The following SIPA1L3 variants were observed in gnomAD, a reference collection of about 807,000 sequenced individuals.
The protein encoded by SIPA1L3 is signal-induced proliferation-associated 1-like protein 3.
In SIPA1L3, 59 loss-of-function variants were observed where a neutral mutation model predicts 150.1. That is an observed-to-expected ratio of 0.39 (90% CI 0.32 to 0.49). SIPA1L3 has a LOEUF of 0.49. Among genes scored for constraint, SIPA1L3 ranks in the 20% least tolerant of loss-of-function variants. The pLI, the probability that SIPA1L3 is intolerant of heterozygous loss-of-function variation, is 0.86. For synonymous variants in SIPA1L3, 1,070 were observed against 1,077.6 expected (o/e 0.99, Z 0.14); for missense variants, 2,211 against 2,489.5 (o/e 0.89, Z 2.38).
chr19:37,984,094 G>A (rs1967277279), intron 1 of SIPA1L3, among the ~76,000 whole-genome samples: 1 of 152,116 alleles, frequency 6.6e-6, no homozygotes, highest in South Asian at 2.1e-4. Context: ...AGAACAATGA[G>A]GCACTTTTTG....
rs1428645190 is a variant in SIPA1L3 at position 38,101,304 on chromosome 19, G to A, written c.2029+78G>A. 4.5e-6 allele frequency: 5 copies of A among 1,117,380 alleles called. No homozygotes were observed. The African/African-American group carries it at 4.8e-5, about 11-fold the overall frequency. The allele number at this position is 1,117,380 out of a possible 1,614,324, so 69.2% of individuals were successfully genotyped here. Reference sequence around the variant, plus strand: ...ACAGGCAAAGCTTAAAAGGCCTGGGGATGCCACGGTGGGGACGTGGAGCAG... The same window carrying A: ...ACAGGCAAAGCTTAAAAGGCCTGGGAATGCCACGGTGGGGACGTGGAGCAG... On this transcript the variant is annotated intron_variant, in intron 6 of 21. Coordinates refer to ENST00000222345, the MANE Select transcript of SIPA1L3 (RefSeq NM_015073.3).
intron 1 of SIPA1L3, among the ~76,000 whole-genome samples, chr19:37,984,073 T>G (rs2145620773): frequency 6.6e-6 from 1 of 152,260 alleles, no homozygotes; most frequent in Admixed American, 6.5e-5. Flanking sequence ...CCAGCCCGGC[T>G]GAATCTCCTG....
chr19:38,193,863 G>A lies in SIPA1L3; in HGVS notation c.4840+83G>A, dbSNP rs115483709. ...ATGCCCGAGCAGGGGCTCACCTGGA[G>A]GTCAAAGGCTAGAGGTCATCAGTGT... On this transcript the variant is annotated intron_variant, in intron 18 of 21. Transcript: ENST00000222345. 7.6e-4 allele frequency: 1,062 copies of A among 1,406,250 alleles called. 3 individuals are homozygous for A. The African/African-American group carries it at 0.012, about 16-fold the overall frequency. The allele number at this position is 1,406,250 out of a possible 1,614,324, so 87.1% of individuals were successfully genotyped here. A position where few individuals can be genotyped will look rare whatever the true frequency, so the allele number is the denominator to read the frequency against.
chr19:38,110,173 C>T, intron 7 of SIPA1L3, 54 bp from the exon 8 acceptor site: 1 of 1,581,020 alleles, frequency 6.3e-7, no homozygotes, highest in Non-Finnish European at 8.7e-7. Flanking sequence ...CCAGGCAGGA[C>T]CCGTCAGGCC....
At chr19:38,205,098 C>T (rs891621795) in intron 21 of SIPA1L3, among the ~76,000 whole-genome samples, 2 of 152,136 alleles carry the variant, frequency 1.3e-5, no homozygotes, top group Non-Finnish European at 2.9e-5. Flanking sequence ...TATTGTTTAA[C>T]CACCATGGTT....
chr19:38,105,415 C>T (rs1271984268), intron 6 of SIPA1L3, among the ~76,000 whole-genome samples: 1 of 151,886 alleles, frequency 6.6e-6, no homozygotes, highest in Admixed American at 6.6e-5. Context: ...AGTACTGGTC[C>T]AGACGCTACC....
At chr19:38,094,504 G>A (rs887145977) in intron 4 of SIPA1L3, among the ~76,000 whole-genome samples, 1 of 152,080 alleles carries the variant, frequency 6.6e-6, no homozygotes, top group African/African-American at 2.4e-5. Flanking sequence ...TCCTCCTTTG[G>A]CTTCCCAAAA....
chr19:37,950,611 T>C (rs905965794), intron 1 of SIPA1L3, among the ~76,000 whole-genome samples: 2 of 152,216 alleles, frequency 1.3e-5, no homozygotes, highest in East Asian at 1.9e-4. Context: ...CGCGAGCTGA[T>C]GGCGGGCTTG....
At chr19:38,002,972 G>A (rs8113411) in intron 1 of SIPA1L3, among the ~76,000 whole-genome samples, 8,354 of 151,370 alleles carry the variant, frequency 0.055, 802 homozygotes, top group African/African-American at 0.19. Context: ...GGTGAAACCC[G>A]ATCTCTACTA....
intron 1 of SIPA1L3, among the ~76,000 whole-genome samples, chr19:38,028,231 A>G (rs1968559010): frequency 6.6e-6 from 1 of 152,210 alleles, no homozygotes; most frequent in Non-Finnish European, 1.5e-5. Context: ...GTTCCAAACC[A>G]GGACAAGTAT....
chr19:37,993,006 G>A (rs1967551322), intron 1 of SIPA1L3, among the ~76,000 whole-genome samples: 1 of 152,210 alleles, frequency 6.6e-6, no homozygotes, highest in South Asian at 2.1e-4. Flanking sequence ...GACTCGCTGG[G>A]TCAGTGTCAG....
chr19:37,991,566 C>T (rs1030795256), intron 1 of SIPA1L3, among the ~76,000 whole-genome samples: 1 of 152,224 alleles, frequency 6.6e-6, no homozygotes, highest in East Asian at 1.9e-4. Flanking sequence ...AAGCCCTGGG[C>T]TGGCTTATGT....
intron 2 of SIPA1L3, among the ~76,000 whole-genome samples, chr19:38,049,448 G>T (rs1568520226): frequency 6.6e-6 from 1 of 152,158 alleles, no homozygotes; most frequent in Non-Finnish European, 1.5e-5. Context: ...TCTGGCAGCT[G>T]AACAGTTGTA....
intron 1 of SIPA1L3, among the ~76,000 whole-genome samples, chr19:37,996,488 CAT>C (rs1967641315): frequency 6.6e-6 from 1 of 152,176 alleles, no homozygotes; most frequent in Non-Finnish European, 1.5e-5. Context: ...AGCCATTTAA[CAT>C]AATGCATTAC....
intron 13 of SIPA1L3, among the ~76,000 whole-genome samples, 162 bp from the exon 14 acceptor site, chr19:38,162,091 T>G (rs1972101547): frequency 6.6e-6 from 1 of 152,186 alleles, no homozygotes; most frequent in Non-Finnish European, 1.5e-5. Context: ...TGGCACATAG[T>G]ATGTGCTGAG....
chr19:38,097,402 A>G (rs1355537543), intron 4 of SIPA1L3, among the ~76,000 whole-genome samples: 1 of 152,212 alleles, frequency 6.6e-6, no homozygotes, highest in Non-Finnish European at 1.5e-5. Context: ...AAAAATAGAC[A>G]GATATAAATG....
intron 1 of SIPA1L3, among the ~76,000 whole-genome samples, chr19:37,995,378 C>T (rs1158433371): frequency 2.6e-5 from 4 of 152,184 alleles, no homozygotes; most frequent in African/African-American, 7.2e-5. Flanking sequence ...CTTGGCATCT[C>T]ATACAGCGTG....
rs756370269 is a variant in SIPA1L3 at position 38,193,544 on chromosome 19, C to T, written c.4604C>T (p.Pro1535Leu). 4.7e-6 allele frequency: 7 copies of T among 1,495,610 alleles called. No individual in the cohort carries two copies. Among genetic ancestry groups the T allele is most frequent in the South Asian group, 4.0e-5 (3 of 74,384 alleles). 92.6% of individuals were successfully genotyped at this position (1,495,610 alleles called of 1,614,324 possible). A position where few individuals can be genotyped will look rare whatever the true frequency, so the allele number is the denominator to read the frequency against. Reference sequence around the variant, plus strand: ...CCCACCCACGCCCCACAGCAGTCACCGCAGAAGGGCCTGCAGCGGACGCTG... The same window carrying T: ...CCCACCCACGCCCCACAGCAGTCACTGCAGAAGGGCCTGCAGCGGACGCTG... ...PEQERDTGQS[P>L]QKGLQRTLSD... is the part of the protein sequence containing the mutation. Residue 1535 changes from proline (P) to leucine (L), a missense_variant, in exon 18 of 22, where the codon CCG (proline) becomes CTG (leucine). Transcript: ENST00000222345.
chr19:38,099,236 A>C (rs886196680), intron 4 of SIPA1L3, among the ~76,000 whole-genome samples: 1 of 151,666 alleles, frequency 6.6e-6, no homozygotes, highest in Non-Finnish European at 1.5e-5. Flanking sequence ...GGGTTTCACC[A>C]TGTTGGCCAG....
Sources: allele counts gnomAD v4.1 joint callset (sites outside exome capture counted in the v4.1 genomes callset), GRCh38; gene constraint gnomAD v4.1.1; transcripts MANE v1.5; gene names NCBI Gene and HGNC (gene_info 2026-07-23, HGNC 2026-07-21).